TACR3: variants seen among roughly 807,000 people sequenced by gnomAD.
TACR3 encodes the protein tachykinin receptor 3.
In TACR3, 34 loss-of-function variants were observed where a neutral mutation model predicts 35.0. The observed-to-expected ratio is 0.97, with a 90% confidence interval of 0.74 to 1.30. The LOEUF (loss-of-function observed/expected upper bound fraction) is 1.30, where lower values mean the gene tolerates loss of function less well. Among genes scored for constraint, TACR3 ranks in the 50% most tolerant of loss-of-function variants. The pLI is 0.00. For synonymous variants in TACR3, 233 were observed against 221.1 expected (o/e 1.05, Z -0.48); for missense variants, 558 against 591.7 (o/e 0.94, Z 0.59).
At position 103,589,972 on chromosome 4, in the gene TACR3, C is replaced by T; in HGVS notation, c.1108G>A (p.Ala370Thr). The T allele has an allele frequency of 6.2e-7, 1 of 1,613,796 alleles. No individual in the cohort carries two copies. The highest frequency in any genetic ancestry group is 8.5e-7 in the Non-Finnish European group (1 of 1,179,846). ...NKRFRAGFKR[A>T]FRWCPFIKVS... ...TTGATGAAAGGACACCAGCGAAATG[C>T]TCTCTTGAAGCCAGCTCGAAATCTG... Residue 370 changes from alanine to threonine, a missense_variant, in exon 5 of 5, where the codon GCA becomes ACA. By Grantham distance (58) the Ala-to-Thr change is moderately conservative. Transcript: ENST00000304883.
chr4:103,590,320 T>TA (rs1723865939), intron 4 of TACR3, among the ~76,000 whole-genome samples: 1 of 152,190 alleles, frequency 6.6e-6, no homozygotes, highest in Non-Finnish European at 1.5e-5. Context: ...TCTAAAATAA[T>TA]TGTATACATT....
At chr4:103,632,903 G>T (rs1560815409) in intron 3 of TACR3, among the ~76,000 whole-genome samples, 1 of 151,710 alleles carries the variant, frequency 6.6e-6, no homozygotes, top group Admixed American at 6.6e-5. Flanking sequence ...TAAGTGACAT[G>T]GACAACAGAA....
chr4:103,718,146 A>G (rs1437067875), intron 1 of TACR3, among the ~76,000 whole-genome samples: 4 of 152,186 alleles, frequency 2.6e-5, no homozygotes, highest in Non-Finnish European at 4.4e-5. Context: ...CTGAAATGTC[A>G]TAAGAATTAA....
chr4:103,674,630 C>A (rs1726127197), intron 1 of TACR3, among the ~76,000 whole-genome samples: 1 of 152,206 alleles, frequency 6.6e-6, no homozygotes, highest in Non-Finnish European at 1.5e-5. Flanking sequence ...CAGCTCACTG[C>A]AACCTCTGCC....
chr4:103,613,046 T>C (rs1413931221), intron 3 of TACR3, among the ~76,000 whole-genome samples: 2 of 152,192 alleles, frequency 1.3e-5, no homozygotes, highest in Admixed American at 1.3e-4. Flanking sequence ...TAGAGTCTCT[T>C]TCTATATTGC....
chr4:103,719,232 A>G lies in TACR3; in HGVS notation c.444T>C (p.His148=). 1.2e-6 allele frequency: 2 copies of G among 1,614,222 alleles called. No individual in the cohort carries two copies. The highest frequency in any genetic ancestry group is 1.1e-5 in the South Asian group (1 of 91,086). Reference sequence around the variant, plus strand: ...AGTTGGCGCCAAAGTACCACTCGCTATGAAGCGCGTAGATGAAATTGACCA... The same window carrying G: ...AGTTGGCGCCAAAGTACCACTCGCTGTGAAGCGCGTAGATGAAATTGACCA... The part of the protein sequence containing the change: ...NTLVNFIYAL[H]SEWYFGANYC... Residue 148 remains histidine (H), a synonymous_variant, in exon 1 of 5, where the codon CAT becomes CAC. Coordinates refer to ENST00000304883, the MANE Select transcript of TACR3 (RefSeq NM_001059.3).
intron 1 of TACR3, among the ~76,000 whole-genome samples, chr4:103,676,082 G>C (rs1446465544): frequency 6.6e-6 from 1 of 152,082 alleles, no homozygotes; most frequent in Non-Finnish European, 1.5e-5. Context: ...CTTAGACTTT[G>C]ATTTCACCTC....
At chr4:103,595,448 T>A (rs1019740583) in intron 3 of TACR3, among the ~76,000 whole-genome samples, 2 of 152,174 alleles carry the variant, frequency 1.3e-5, no homozygotes, top group Non-Finnish European at 2.9e-5. Flanking sequence ...AGAATCTAAC[T>A]ACGTAGGCAG....
chr4:103,701,191 T>C (rs1459633826), intron 1 of TACR3, among the ~76,000 whole-genome samples: 1 of 152,156 alleles, frequency 6.6e-6, no homozygotes, highest in East Asian at 1.9e-4. Context: ...GATAGGCAAC[T>C]TCAGCAAAGT....
intron 3 of TACR3, among the ~76,000 whole-genome samples, chr4:103,607,064 G>A (rs1031125021): frequency 6.6e-6 from 1 of 152,132 alleles, no homozygotes; most frequent in African/African-American, 2.4e-5. Flanking sequence ...TCCCTGGGAT[G>A]CAAGGCTGGT....
At chr4:103,686,184 G>A (rs998936230) in intron 1 of TACR3, among the ~76,000 whole-genome samples, 2 of 152,134 alleles carry the variant, frequency 1.3e-5, no homozygotes, top group Non-Finnish European at 2.9e-5. Context: ...ACAGGGCTGT[G>A]CCACTTAGAA....
At chr4:103,664,380 C>T (rs1208513315) in intron 1 of TACR3, among the ~76,000 whole-genome samples, 1 of 152,012 alleles carries the variant, frequency 6.6e-6, no homozygotes, top group Non-Finnish European at 1.5e-5. Flanking sequence ...ATAATTCTTC[C>T]TTTTGTTGGC....
At chr4:103,622,369 A>G (rs1007358166) in intron 3 of TACR3, among the ~76,000 whole-genome samples, 2 of 152,172 alleles carry the variant, frequency 1.3e-5, no homozygotes, top group Admixed American at 6.5e-5. Context: ...ACGGAGGACT[A>G]CTCTTGAGAA....
rs200515937 is a variant in TACR3 at position 103,591,550 on chromosome 4, C to T, written c.1022G>A (p.Ser341Asn). 9 of 1,613,872 alleles carry T rather than the reference C, an allele frequency of 5.6e-6. No homozygotes were observed. The highest frequency in any genetic ancestry group is 6.8e-6 in the Non-Finnish European group (8 of 1,179,828). ...GGTTGAGCTCATTGCCAGCCAAAAG[C>T]TAGCCAGGTAGACCTGCTGGATGTA... ...WKYIQQVYLA[S>N]FWLAMSSTMY... Residue 341 changes from serine (S) to asparagine (N), a missense_variant, in exon 4 of 5, where the codon AGC becomes AAC. Ser to Asn is a conservative substitution (Grantham distance 46). Transcript: ENST00000304883.
intron 3 of TACR3, among the ~76,000 whole-genome samples, chr4:103,628,607 C>G (rs569997797): frequency 5.1e-4 from 78 of 152,140 alleles, no homozygotes; most frequent in African/African-American, 1.8e-3. Flanking sequence ...AGGAAGAAGT[C>G]AAATCTCTGA....
At chr4:103,662,303 C>A (rs1725850319) in intron 1 of TACR3, among the ~76,000 whole-genome samples, 2 of 151,582 alleles carry the variant, frequency 1.3e-5, no homozygotes, top group Non-Finnish European at 2.9e-5. Context: ...TCACTGCAAC[C>A]TCCACCTCCC....
At chr4:103,718,985 A>T in intron 1 of TACR3, 143 bp downstream of exon 1, 3 of 1,120,772 alleles carry the variant, frequency 2.7e-6, no homozygotes, top group Non-Finnish European at 3.9e-6. Flanking sequence ...CAAATGGGTT[A>T]GTGTCCTCCT....
chr4:103,659,652 C>T (rs79246187), intron 1 of TACR3, among the ~76,000 whole-genome samples: 5,701 of 152,062 alleles, frequency 0.037, 139 homozygotes, highest in Non-Finnish European at 0.055. Context: ...ACTGTTGTAA[C>T]GGAAAAATAT....
intron 1 of TACR3, among the ~76,000 whole-genome samples, chr4:103,700,799 G>C (rs563168115): frequency 2.0e-5 from 3 of 152,180 alleles, no homozygotes; most frequent in South Asian, 2.1e-4. Flanking sequence ...ACGACAAAAA[G>C]CATATGATTA....
Sources: gnomAD v4.1 joint callset for allele counts (sites outside exome capture counted in the v4.1 genomes callset) on GRCh38, gnomAD v4.1.1 for gene constraint, MANE v1.5 for transcripts, NCBI Gene and HGNC (gene_info 2026-07-23, HGNC 2026-07-21) for gene names.